The following MYLK4 variants were observed in gnomAD, a reference collection of about 807,000 sequenced individuals.
MYLK4 encodes the protein caMLCK like.
A neutral mutation model predicts 48.1 loss-of-function variants in MYLK4; 46 were observed. That is an observed-to-expected ratio of 0.96 (90% CI 0.75 to 1.22). MYLK4 has a LOEUF of 1.22. Among genes scored for constraint, MYLK4 ranks in the 50% most tolerant of loss-of-function variants. The pLI is 0.00. For synonymous variants in MYLK4, 170 were observed against 180.8 expected (o/e 0.94, Z 0.48); for missense variants, 451 against 486.1 (o/e 0.93, Z 0.68).
intron 2 of MYLK4, among the ~76,000 whole-genome samples, chr6:2,702,267 C>T (rs1163877928): frequency 6.6e-6 from 1 of 152,176 alleles, no homozygotes; most frequent in Non-Finnish European, 1.5e-5. Flanking sequence ...GGCCCAAAGA[C>T]AGGATGAAAA....
chr6:2,761,686 T>A, the MYLK4 span, among the ~76,000 whole-genome samples: 2 of 152,200 alleles, frequency 1.3e-5, no homozygotes, highest in African/African-American at 4.8e-5. Flanking sequence ...TTGCCCAAGG[T>A]CACACTATGG....
intron 7 of MYLK4, among the ~76,000 whole-genome samples, chr6:2,682,503 C>G (rs1345100383): frequency 6.6e-6 from 1 of 152,154 alleles, no homozygotes; most frequent in Non-Finnish European, 1.5e-5. Context: ...CACTTTGGCC[C>G]CATCCTTCCG....
rs767623307 is a variant in MYLK4 at position 2,749,141 on chromosome 6, T to A, written c.154A>T (p.Asn52Tyr). 1 of 1,613,332 alleles carries A rather than the reference T, an allele frequency of 6.2e-7. No individual in the cohort carries two copies. The highest frequency in any genetic ancestry group is 2.2e-5 in the East Asian group (1 of 44,878). Residue 52 changes from asparagine to tyrosine, a missense_variant, in exon 2 of 13, where the codon AAT becomes TAT. Transcript: ENST00000274643. ...SGDQDSRSGH[N>Y]EAKEVWSNAD... ...CTAAATTAGAACATGATTACCTCAT[T>A]ATGTCCAGATCTTGAATCCTGGTCC...
the MYLK4 span, chr6:2,766,014 C>T: frequency 8.5e-5 from 114 of 1,339,618 alleles, no homozygotes; most frequent in Non-Finnish European, 1.0e-4. Context: ...GTGGCCCGCT[C>T]CAGCAGCCCC....
intron 2 of MYLK4, among the ~76,000 whole-genome samples, chr6:2,700,159 G>A (rs570670756): frequency 8.6e-5 from 13 of 151,976 alleles, no homozygotes; most frequent in African/African-American, 3.1e-4. Flanking sequence ...CCTCTGACTT[G>A]AGGCCGCTCT....
In MYLK4 at chr6:2,709,148, C is replaced by G. The variant is rs1482588649; in HGVS notation, c.160-16289G>C. Among the ~76,000 whole-genome samples, 14 of 152,224 alleles carry G rather than the reference C, an allele frequency of 9.2e-5. No homozygotes were observed. The East Asian group carries it at 2.7e-3, about 29-fold the overall frequency. ...ATGAACAGTGAACTGAGATTTTTTCCTCTTGGAAAACTCATGAGCCCTTTC... is the reference window on the plus strand; with the variant it reads ...ATGAACAGTGAACTGAGATTTTTTCGTCTTGGAAAACTCATGAGCCCTTTC... On this transcript the variant is annotated intron_variant, in intron 2 of 12. Transcript: ENST00000274643.
chr6:2,708,923 G>C (rs1473532144), intron 2 of MYLK4, among the ~76,000 whole-genome samples: 1 of 152,076 alleles, frequency 6.6e-6, no homozygotes, highest in Admixed American at 6.6e-5. Flanking sequence ...ATTTCAGATT[G>C]TCCCCATTCT....
chr6:2,726,219 G>A (rs1234851459), intron 2 of MYLK4, among the ~76,000 whole-genome samples: 3 of 152,180 alleles, frequency 2.0e-5, no homozygotes, highest in Non-Finnish European at 2.9e-5. Context: ...AGATTACCTT[G>A]AGACTCTCTA....
chr6:2,746,266 CAAAAAAAG>C (rs138621357), intron 2 of MYLK4, among the ~76,000 whole-genome samples: 23,596 of 145,820 alleles, frequency 0.16, 2,204 homozygotes, highest in East Asian at 0.35. Context: ...GACTCCGTCT[CAAAAAAAG>C]AAAAAAAGAA....
intron 12 of MYLK4, 105 bp downstream of exon 12, chr6:2,671,171 C>T (rs776837520): frequency 4.7e-5 from 37 of 782,330 alleles, no homozygotes; most frequent in South Asian, 1.4e-4. Flanking sequence ...CCAGCCAAAA[C>T]GCTGCTCTTC....
At chr6:2,756,577 A>G in the MYLK4 span, among the ~76,000 whole-genome samples, 3 of 152,310 alleles carry the variant, frequency 2.0e-5, no homozygotes, top group African/African-American at 7.2e-5. Flanking sequence ...AATTCTTTCT[A>G]AAAAATCATG....
At chr6:2,765,408 C>A in the MYLK4 span, 4 of 441,002 alleles carry the variant, frequency 9.1e-6, no homozygotes, top group African/African-American at 6.2e-5. Flanking sequence ...TCCCGACACG[C>A]CGCGTGAGGC....
chr6:2,765,194 GCCCCTC>G, the MYLK4 span, among the ~76,000 whole-genome samples: 11 of 56,662 alleles, frequency 1.9e-4, 1 homozygote, highest in East Asian at 5.8e-4. Context: ...CCCCCCCCCC[GCCCCTC>G]CCCCGCCCCC....
chr6:2,764,555 TAGAC>T, the MYLK4 span, among the ~76,000 whole-genome samples: 1 of 78,230 alleles, frequency 1.3e-5, no homozygotes, highest in African/African-American at 4.8e-5. Context: ...ACGGGAGACT[TAGAC>T]AAAAGCAAAA....
At chr6:2,735,845 G>A (rs111254518) in intron 2 of MYLK4, among the ~76,000 whole-genome samples, 32 of 152,218 alleles carry the variant, frequency 2.1e-4, no homozygotes, top group African/African-American at 5.8e-4. Context: ...ACAATGAAGC[G>A]GAACAGAAAT....
intron 2 of MYLK4, among the ~76,000 whole-genome samples, chr6:2,725,904 G>A (rs976036505): frequency 3.9e-5 from 6 of 152,184 alleles, no homozygotes; most frequent in Non-Finnish European, 8.8e-5. Context: ...CCTGATAACC[G>A]ATCATCCAGC....
chr6:2,732,719 G>A (rs1418820073), intron 2 of MYLK4, among the ~76,000 whole-genome samples: 3 of 151,932 alleles, frequency 2.0e-5, no homozygotes, highest in African/African-American at 7.3e-5. Context: ...GGTGGTTGCT[G>A]TAGTTTCCTC....
At chr6:2,674,334 C>G (rs779889035) in intron 11 of MYLK4, among the ~76,000 whole-genome samples, 1 of 152,042 alleles carries the variant, frequency 6.6e-6, no homozygotes, top group Non-Finnish European at 1.5e-5. Flanking sequence ...GCAGATCAAG[C>G]CAGGTGAGCA....
Position 2,744,312 on chromosome 6 carries a change from C to T in MYLK4, c.159+4824G>A, listed in dbSNP as rs549425197. On this transcript the variant is annotated intron_variant, in intron 2 of 12. Transcript: ENST00000274643. Reference sequence around the variant, plus strand: ...GGAGACTGCTGGCAATAATTTACGACGCTGTGAATGCGTATTTGTTCCCAG... The same window carrying T: ...GGAGACTGCTGGCAATAATTTACGATGCTGTGAATGCGTATTTGTTCCCAG... Among the ~76,000 whole-genome samples, 120 of 152,294 alleles carry T rather than the reference C, an allele frequency of 7.9e-4. 1 individual carries two copies. The highest frequency in any genetic ancestry group is 4.1e-4 in the Non-Finnish European group (28 of 68,030).
Sources: gnomAD v4.1 joint callset for allele counts (sites outside exome capture counted in the v4.1 genomes callset) on GRCh38, gnomAD v4.1.1 for gene constraint, MANE v1.5 for transcripts, NCBI Gene and HGNC (gene_info 2026-07-23, HGNC 2026-07-21) for gene names.